Variants in ADAM9 observed in about 807,000 individuals in gnomAD.
ADAM9 encodes ADAM metallopeptidase domain 9.
ADAM9 carries 54 observed loss-of-function variants against 108.1 expected under a neutral mutation model. That is an observed-to-expected ratio of 0.50 (90% CI 0.40 to 0.63). ADAM9 has a LOEUF of 0.63. Among genes scored for constraint, ADAM9 ranks in the 20% least tolerant of loss-of-function variants. ADAM9 has a pLI of 0.00. For synonymous variants in ADAM9, 316 were observed against 336.0 expected, an observed-to-expected ratio of 0.94 and a Z score of 0.65; for missense variants, 830 against 997.7, an observed-to-expected ratio of 0.83 and a Z score of 2.26.
intron 14 of ADAM9, among the ~76,000 whole-genome samples, chr8:39,059,948 G>A (rs1838246325): frequency 6.6e-6 from 1 of 152,218 alleles, no homozygotes; most frequent in Admixed American, 6.5e-5. Context: ...ACTTCTTTAT[G>A]TAACTTGTGC....
chr8:39,048,794 T>C (rs1346630146), intron 12 of ADAM9, among the ~76,000 whole-genome samples: 2 of 152,142 alleles, frequency 1.3e-5, no homozygotes, highest in Non-Finnish European at 2.9e-5. Flanking sequence ...TATATCTTCC[T>C]AGTGAATTGT....
At chr8:39,077,064 C>A (rs4075849) in intron 15 of ADAM9, among the ~76,000 whole-genome samples, 164 bp from the exon 16 acceptor site, 1 of 151,950 alleles carries the variant, frequency 6.6e-6, no homozygotes, top group African/African-American at 2.4e-5. Context: ...CCTTTTCTGC[C>A]GTATTTAAAG....
At chr8:39,018,997 A>G in intron 7 of ADAM9, 79 bp downstream of exon 7, 2 of 1,316,398 alleles carry the variant, frequency 1.5e-6, no homozygotes, top group South Asian at 1.2e-5. Flanking sequence ...AATCTAAACT[A>G]CACATTGTTT....
chr8:39,069,192 T>A (rs1415275549), intron 14 of ADAM9, among the ~76,000 whole-genome samples: 1 of 152,200 alleles, frequency 6.6e-6, no homozygotes, highest in East Asian at 1.9e-4. Context: ...TCTTTTCGGC[T>A]TCTAAGTTTT....
At chr8:39,018,753 A>G in intron 6 of ADAM9, 100 bp from the exon 7 acceptor site, 2 of 1,045,550 alleles carry the variant, frequency 1.9e-6, no homozygotes, top group Non-Finnish European at 3.0e-6. Context: ...AAATAATTTT[A>G]TGATGTTCTT....
At chr8:39,054,989 A>C (rs12548948) in intron 13 of ADAM9, among the ~76,000 whole-genome samples, 35,863 of 152,014 alleles carry the variant, frequency 0.24, 4,543 homozygotes, top group South Asian at 0.31. Flanking sequence ...GCACAGATAC[A>C]TATATTTTTA....
At chr8:39,050,874 G>A (rs1837938593) in intron 12 of ADAM9, among the ~76,000 whole-genome samples, 1 of 148,672 alleles carries the variant, frequency 6.7e-6, no homozygotes, top group Non-Finnish European at 1.5e-5. Context: ...TGTTAAACTG[G>A]GTAGAGGAAC....
chr8:39,052,883 G>T (rs527919160), intron 12 of ADAM9, among the ~76,000 whole-genome samples: 1 of 152,116 alleles, frequency 6.6e-6, no homozygotes, highest in African/African-American at 2.4e-5. Context: ...GATGGTAGAG[G>T]TATTTAACTT....
rs534768072 is a variant in ADAM9 at position 39,024,052 on chromosome 8, G to A, written c.914+727G>A. ...TGACACTGGGTATAAAATTGTATCC[G>A]TGAAATCCTTTTTCTTCACGACTTT... is the stretch of plus-strand genomic sequence containing the variant. On this transcript the variant is annotated intron_variant, in intron 9 of 21. Transcript: ENST00000487273. Among the ~76,000 whole-genome samples, 99 of 152,186 alleles carry A rather than the reference G, an allele frequency of 6.5e-4. 1 individual carries two copies. Among genetic ancestry groups the A allele is most frequent in the South Asian group, 3.9e-3 (19 of 4,820 alleles).
In ADAM9 at chr8:39,070,241, T is replaced by C. The variant is rs73602770; in HGVS notation, c.1592-1057T>C. On this transcript the variant is annotated intron_variant, in intron 14 of 21. Transcript: ENST00000487273. Reference sequence around the variant, plus strand: ...TGAATACTTTTCCATGTTAACCATTTTTCTACAACATTGTGTTAATGATAT... The same window carrying C: ...TGAATACTTTTCCATGTTAACCATTCTTCTACAACATTGTGTTAATGATAT... Among the ~76,000 whole-genome samples, 705 of 152,238 alleles carry C rather than the reference T, an allele frequency of 4.6e-3. 5 individuals are homozygous for C. Among genetic ancestry groups the C allele is most frequent in the African/African-American group, 0.016 (670 of 41,544 alleles).
chr8:39,101,996 T>A (rs938832422), intron 21 of ADAM9, 66 bp downstream of exon 21: 1 of 1,286,832 alleles, frequency 7.8e-7, no homozygotes, highest in Non-Finnish European at 1.1e-6. Flanking sequence ...TCTAATAATT[T>A]CCCCTGTATT....
chr8:39,054,419 T>G lies in ADAM9; in HGVS notation c.1303-62T>G, dbSNP rs77663983. On this transcript the variant is annotated intron_variant, in intron 12 of 21. Coordinates refer to ENST00000487273, the MANE Select transcript of ADAM9 (RefSeq NM_003816.3). ...AGATTTTAGGTGTAAGATGAGAATTTTATTAATGAGTATTCATGTCAATTA... is the reference window on the plus strand; with the variant it reads ...AGATTTTAGGTGTAAGATGAGAATTGTATTAATGAGTATTCATGTCAATTA... The G allele has an allele frequency of 8.1e-3, 11,491 of 1,412,642 alleles. 767 individuals carry two copies. In the African/African-American group the frequency reaches 0.14, roughly 18 times the overall value. The allele number at this position is 1,412,642 out of a possible 1,614,324, so 87.5% of individuals were successfully genotyped here. A position where few individuals can be genotyped will look rare whatever the true frequency, so the allele number is the denominator to read the frequency against.
intron 16 of ADAM9, among the ~76,000 whole-genome samples, chr8:39,080,990 A>G (rs1839005661): frequency 8.0e-6 from 1 of 125,430 alleles, no homozygotes. Context: ...TCGCTCTTTG[A>G]CCCAGGCTGG....
intron 11 of ADAM9, among the ~76,000 whole-genome samples, chr8:39,034,291 T>G (rs1241628148): frequency 6.6e-6 from 1 of 152,200 alleles, no homozygotes; most frequent in East Asian, 1.9e-4. Flanking sequence ...CCCTAGAAAT[T>G]ATTACACATG....
chr8:39,015,281 G>C (rs2129432958), intron 4 of ADAM9: 1 of 152,296 alleles, frequency 6.6e-6, no homozygotes, highest in East Asian at 1.9e-4. Flanking sequence ...ATACTTACAA[G>C]ATGCTTAGAA....
intron 18 of ADAM9, among the ~76,000 whole-genome samples, chr8:39,085,155 C>T (rs544035063): frequency 1.2e-4 from 19 of 152,036 alleles, no homozygotes; most frequent in Non-Finnish European, 1.9e-4. Context: ...TAAGTTGTTT[C>T]GATAATTTAT....
intron 20 of ADAM9, among the ~76,000 whole-genome samples, chr8:39,099,972 CG>C (rs1839635660): frequency 7.0e-6 from 1 of 141,970 alleles, no homozygotes; most frequent in Non-Finnish European, 1.5e-5. Context: ...CACTGCCTCT[CG>C]GGTTCAAGCA....
Position 39,045,094 on chromosome 8 carries a change from A to G in ADAM9, c.1302+2977A>G, listed in dbSNP as rs1272528681. Among the ~76,000 whole-genome samples, 130 of 23,432 alleles carry G rather than the reference A, an allele frequency of 5.5e-3. 2 individuals are homozygous for G. The highest frequency in any genetic ancestry group is 7.0e-3 in the Non-Finnish European group (91 of 12,992). The allele number at this position is 23,432 out of a possible 152,430, so 15.4% of individuals were successfully genotyped here. A position where few individuals can be genotyped will look rare whatever the true frequency, so the allele number is the denominator to read the frequency against. On this transcript the variant is annotated intron_variant, in intron 12 of 21. Coordinates refer to ENST00000487273, the MANE Select transcript of ADAM9 (RefSeq NM_003816.3). ...CATATGTGTGTGTGCATACATACAT[A>G]TGTGTGTGTGCATACATACATATGT... is the stretch of plus-strand genomic sequence containing the variant.
At chr8:39,003,418 C>T (rs572978519) in intron 1 of ADAM9, among the ~76,000 whole-genome samples, 1 of 147,796 alleles carries the variant, frequency 6.8e-6, no homozygotes, top group Non-Finnish European at 1.5e-5. Flanking sequence ...TATTAAAGCT[C>T]TTTTTTTATA....
Sources: allele counts gnomAD v4.1 joint callset (sites outside exome capture counted in the v4.1 genomes callset), GRCh38; gene constraint gnomAD v4.1.1; transcripts MANE v1.5; gene names NCBI Gene and HGNC (gene_info 2026-07-23, HGNC 2026-07-21).